LRIF1: variants seen among roughly 807,000 people sequenced by gnomAD.
The protein encoded by LRIF1 is ligand dependent nuclear receptor interacting factor 1, also known as ligand-dependent nuclear receptor-interacting factor 1.
A neutral mutation model predicts 52.7 loss-of-function variants in LRIF1; 32 were observed. The ratio of observed to expected loss-of-function variants is 0.61; its 90% CI spans 0.46 to 0.82. LRIF1 has a LOEUF of 0.82. Ranked by LOEUF, LRIF1 falls within the 40% of genes least tolerant of loss-of-function variation. LRIF1 has a pLI of 0.00. For missense variants in LRIF1, 887 were observed against 892.0 expected, an observed-to-expected ratio of 0.99 and a Z score of 0.07; for synonymous variants, 323 against 317.4, an observed-to-expected ratio of 1.02 and a Z score of -0.19.
At chr1:110,910,165 A>C in the LRIF1 span, among the ~76,000 whole-genome samples, 1 of 152,010 alleles carries the variant, frequency 6.6e-6, no homozygotes, top group African/African-American at 2.4e-5. Flanking sequence ...TAAACTTGAC[A>C]CTTGAAAAAA....
Position 110,948,312 on chromosome 1 carries a change from T to A in LRIF1, c.1957A>T (p.Ile653Phe). The A allele has an allele frequency of 6.2e-7, 1 of 1,614,152 alleles. No homozygotes were observed. Among genetic ancestry groups the A allele is most frequent in the Non-Finnish European group, 8.5e-7 (1 of 1,180,004 alleles). Reference sequence around the variant, plus strand: ...GTGACATTAGCTTCCCCATTTATGATTGCGTTATAAGCATTCTCTGTTTTT... The same window carrying A: ...GTGACATTAGCTTCCCCATTTATGAATGCGTTATAAGCATTCTCTGTTTTT... ...KRKTENAYNA[I>F]INGEANVTGS... Residue 653 changes from isoleucine (I) to phenylalanine (F), a missense_variant, in exon 4 of 4, where the codon ATC (isoleucine) becomes TTC (phenylalanine). Transcript: ENST00000369763.
the LRIF1 span, among the ~76,000 whole-genome samples, chr1:110,917,692 G>A: frequency 1.2e-4 from 17 of 145,764 alleles, no homozygotes; most frequent in African/African-American, 4.3e-4. Flanking sequence ...AATAGCTGTA[G>A]TAAACAGTTA....
the LRIF1 span, among the ~76,000 whole-genome samples, chr1:110,916,501 A>G: frequency 6.6e-6 from 1 of 152,188 alleles, no homozygotes. Flanking sequence ...AAAGTAATAT[A>G]AAATGATACC....
At chr1:110,885,708 C>T in the LRIF1 span, among the ~76,000 whole-genome samples, 1 of 151,574 alleles carries the variant, frequency 6.6e-6, no homozygotes, top group Admixed American at 6.6e-5. Flanking sequence ...ACTAAAAACA[C>T]AAAAAATTAG....
the LRIF1 span, among the ~76,000 whole-genome samples, chr1:110,925,101 A>G: frequency 3.3e-5 from 5 of 152,212 alleles, no homozygotes; most frequent in African/African-American, 1.2e-4. Context: ...GTACACAGAT[A>G]TTTGGTAAAA....
chr1:110,962,988 T>C (rs1659025013), intron 1 of LRIF1, among the ~76,000 whole-genome samples: 2 of 152,004 alleles, frequency 1.3e-5, no homozygotes, highest in African/African-American at 4.8e-5. Flanking sequence ...TCCTTAGAAA[T>C]ACTGGACTCT....
chr1:110,895,202 T>G, the LRIF1 span: 1 of 638,600 alleles, frequency 1.6e-6, no homozygotes. Context: ...ATCACAAACA[T>G]GGGAGCCCAG....
At chr1:110,900,739 C>A in the LRIF1 span, among the ~76,000 whole-genome samples, 1 of 129,854 alleles carries the variant, frequency 7.7e-6, no homozygotes, top group African/African-American at 2.9e-5. Flanking sequence ...TTGAATTGTT[C>A]AGCTCACACT....
chr1:110,963,403 G>A (rs973220443), intron 1 of LRIF1: 1 of 361,836 alleles, frequency 2.8e-6, no homozygotes. Flanking sequence ...GGGTCCCGCG[G>A]AGCCGCTGTG....
chr1:110,914,522 G>A, the LRIF1 span, among the ~76,000 whole-genome samples: 16 of 152,280 alleles, frequency 1.1e-4, no homozygotes, highest in African/African-American at 3.9e-4. Context: ...GGGAGGCTAA[G>A]GTGGGTGGAT....
chr1:110,875,416 C>A, the LRIF1 span, among the ~76,000 whole-genome samples: 2,320 of 152,278 alleles, frequency 0.015, 26 homozygotes, highest in Middle Eastern at 0.031. Context: ...GGAGAAGAGG[C>A]AGGTTTTTGC....
At chr1:110,886,748 T>C in the LRIF1 span, among the ~76,000 whole-genome samples, 1 of 151,116 alleles carries the variant, frequency 6.6e-6, no homozygotes, top group African/African-American at 2.4e-5. Flanking sequence ...CTCGGGAGGC[T>C]GATGCAGAAT....
At chr1:110,880,725 A>C in the LRIF1 span, among the ~76,000 whole-genome samples, 1 of 152,348 alleles carries the variant, frequency 6.6e-6, no homozygotes, top group South Asian at 2.1e-4. Flanking sequence ...TGAGGCTTTG[A>C]GAATTCAAAG....
At chr1:110,918,434 T>C in the LRIF1 span, among the ~76,000 whole-genome samples, 1 of 152,124 alleles carries the variant, frequency 6.6e-6, no homozygotes, top group Non-Finnish European at 1.5e-5. Context: ...TCATAGTTGA[T>C]AAAGATATAT....
At chr1:110,899,106 T>C in the LRIF1 span, 2 of 1,607,750 alleles carry the variant, frequency 1.2e-6, no homozygotes, top group Admixed American at 3.3e-5. Flanking sequence ...CTTCAAATTT[T>C]CCCAACTCTT....
chr1:110,938,435 T>C, the LRIF1 span: 1 of 152,098 alleles, frequency 6.6e-6, no homozygotes. Flanking sequence ...ACACATCATA[T>C]CAACAGAATG....
the LRIF1 span, among the ~76,000 whole-genome samples, chr1:110,910,922 C>A: frequency 6.6e-6 from 1 of 152,002 alleles, no homozygotes; most frequent in Non-Finnish European, 1.5e-5. Flanking sequence ...AAATTAACAG[C>A]CTAAGATCAC....
chr1:110,902,517 A>AAAAAAAAAAAAAAAAAAAAAAAAAAG, the LRIF1 span, among the ~76,000 whole-genome samples: 6 of 104,696 alleles, frequency 5.7e-5, no homozygotes, highest in South Asian at 3.4e-4. Flanking sequence ...AAAAAAAAAA[A>AAAAAAAAAAAAAAAAAAAAAAAAAAG]AAAGAAATAC....
At chr1:110,892,202 A>C in the LRIF1 span, 24 of 703,206 alleles carry the variant, frequency 3.4e-5, no homozygotes, top group East Asian at 5.2e-5. Flanking sequence ...AAGCATGGAA[A>C]AGTTTGGTAA....
Sources: allele counts gnomAD v4.1 joint callset (sites outside exome capture counted in the v4.1 genomes callset), GRCh38; gene constraint gnomAD v4.1.1; transcripts MANE v1.5; gene names NCBI Gene and HGNC (gene_info 2026-07-23, HGNC 2026-07-21).